The following STPG2 variants were observed in gnomAD, a reference collection of about 807,000 sequenced individuals.
STPG2 encodes sperm-tail PG-rich repeat-containing protein 2.
A neutral mutation model predicts 54.2 loss-of-function variants in STPG2; 56 were observed. That is an observed-to-expected ratio of 1.03 (90% CI 0.83 to 1.29). The LOEUF (loss-of-function observed/expected upper bound fraction) is 1.29. Ranked by LOEUF, STPG2 falls within the 50% of genes most tolerant of loss-of-function variation. The probability of loss-of-function intolerance (pLI) is 0.00; values close to 1 mark genes in which losing one functional copy is unlikely to be tolerated. For missense variants in STPG2, 596 were observed against 544.9 expected (o/e 1.09, Z -0.93); for synonymous variants, 200 against 181.8 (o/e 1.10, Z -0.81).
intron 10 of STPG2, among the ~76,000 whole-genome samples, chr4:97,693,152 A>G (rs1723432843): frequency 6.7e-6 from 1 of 150,046 alleles, no homozygotes; most frequent in Non-Finnish European, 1.5e-5. Context: ...AAAAAAAAAG[A>G]AAGGTATTCA....
intron 8 of STPG2, among the ~76,000 whole-genome samples, chr4:97,938,303 C>A (rs1268781989): frequency 6.6e-6 from 1 of 152,218 alleles, no homozygotes; most frequent in Non-Finnish European, 1.5e-5. Flanking sequence ...CCCCAAGAGT[C>A]CGGTGTCTTA....
At chr4:97,544,760 AG>A (rs1332187470) in intron 4 of STPG2, among the ~76,000 whole-genome samples, 1 of 152,104 alleles carries the variant, frequency 6.6e-6, no homozygotes, top group African/African-American at 2.4e-5. Flanking sequence ...TAAAACAGAA[AG>A]TTAAACATGC....
chr4:97,665,134 G>C (rs1195388923), intron 10 of STPG2, among the ~76,000 whole-genome samples: 1 of 152,186 alleles, frequency 6.6e-6, no homozygotes, highest in Admixed American at 6.5e-5. Flanking sequence ...CACAGTGCTG[G>C]CTTGGGAAGC....
In STPG2 at chr4:97,878,976, G is replaced by T. The variant is rs772964878; in HGVS notation, c.1045-38044C>A. 1.1e-4 allele frequency among the ~76,000 whole-genome samples: 17 copies of T among 152,188 alleles called. No individual in the cohort carries two copies. In the South Asian group the frequency reaches 3.5e-3, roughly 32 times the overall value. On this transcript the variant is annotated intron_variant, in intron 8 of 10. Coordinates refer to ENST00000295268, the MANE Select transcript of STPG2 (RefSeq NM_174952.3). ...TTAGAAATTTCTTCTGCCAGATACC[G>T]TAAATCATCTCCCTCAAGTTCAAAG... is the stretch of plus-strand genomic sequence containing the variant.
intron 9 of STPG2, among the ~76,000 whole-genome samples, chr4:97,715,098 C>A (rs1724247022): frequency 6.6e-6 from 1 of 152,112 alleles, no homozygotes; most frequent in Non-Finnish European, 1.5e-5. Context: ...TAGCACTTAG[C>A]CTGCTTTAAG....
At chr4:97,726,364 T>C (rs977089716) in intron 9 of STPG2, among the ~76,000 whole-genome samples, 1 of 151,916 alleles carries the variant, frequency 6.6e-6, no homozygotes, top group Non-Finnish European at 1.5e-5. Flanking sequence ...GGATAGATGG[T>C]GGTGATGAAG....
At position 97,918,475 on chromosome 4, in the gene STPG2, A is replaced by T. The variant is rs866199330; in HGVS notation, c.1044+25422T>A. On this transcript the variant is annotated intron_variant, in intron 8 of 10. Coordinates refer to ENST00000295268, the MANE Select transcript of STPG2 (RefSeq NM_174952.3). ...CATACACACACACAAACACACACAC[A>T]TTGGTCACATGCTGATCCATAGGTC... Among the ~76,000 whole-genome samples the T allele has an allele frequency of 1.2e-4, 19 of 152,126 alleles. No homozygotes were observed. The Middle Eastern group carries it at 0.014, about 109-fold the overall frequency.
intron 9 of STPG2, among the ~76,000 whole-genome samples, chr4:97,825,087 C>T (rs1728211071): frequency 1.3e-5 from 2 of 151,930 alleles, no homozygotes; most frequent in South Asian, 4.1e-4. Context: ...AGTGGATATT[C>T]AAGCTCTAAC....
chr4:97,790,540 G>A (rs1299803218), intron 9 of STPG2, among the ~76,000 whole-genome samples: 2 of 152,096 alleles, frequency 1.3e-5, no homozygotes, highest in Non-Finnish European at 2.9e-5. Context: ...GTTCCATGAA[G>A]ACATAGGAGC....
chr4:98,129,346 C>G (rs896997094), intron 2 of STPG2, among the ~76,000 whole-genome samples: 2 of 152,114 alleles, frequency 1.3e-5, no homozygotes, highest in African/African-American at 4.8e-5. Context: ...CAGCTCCTGA[C>G]TTTTTGTTTC....
intron 8 of STPG2, among the ~76,000 whole-genome samples, chr4:97,879,808 T>G (rs1730306246): frequency 6.6e-6 from 1 of 152,088 alleles, no homozygotes; most frequent in South Asian, 2.1e-4. Flanking sequence ...AGACAAATGA[T>G]ATCAAGGTGA....
At chr4:97,978,308 AC>A (rs1734559303) in intron 6 of STPG2, among the ~76,000 whole-genome samples, 1 of 152,238 alleles carries the variant, frequency 6.6e-6, no homozygotes, top group South Asian at 2.1e-4. Context: ...GAACATATAC[AC>A]CATGAAATAC....
chr4:97,948,945 T>C (rs1318141623), intron 7 of STPG2, among the ~76,000 whole-genome samples: 1 of 151,948 alleles, frequency 6.6e-6, no homozygotes, highest in Non-Finnish European at 1.5e-5. Flanking sequence ...TCTAGAGTGT[T>C]TAAGACCATT....
chr4:97,526,319 A>G (rs1405328390), intron 4 of STPG2, among the ~76,000 whole-genome samples: 2 of 152,080 alleles, frequency 1.3e-5, no homozygotes, highest in African/African-American at 4.8e-5. Context: ...CAACTATGAT[A>G]TATAAACACA....
intron 10 of STPG2, among the ~76,000 whole-genome samples, chr4:97,710,041 T>A (rs1401350919): frequency 6.6e-6 from 1 of 151,970 alleles, no homozygotes; most frequent in Non-Finnish European, 1.5e-5. Context: ...ATGAAGCTCA[T>A]AATGTAATAT....
At chr4:97,965,350 G>C (rs913627140) in intron 7 of STPG2, among the ~76,000 whole-genome samples, 1 of 152,146 alleles carries the variant, frequency 6.6e-6, no homozygotes, top group Non-Finnish European at 1.5e-5. Flanking sequence ...GCTCAAACTG[G>C]GCAGAGACCA....
intron 10 of STPG2, among the ~76,000 whole-genome samples, chr4:97,675,470 A>T (rs1380516599): frequency 6.6e-6 from 1 of 152,160 alleles, no homozygotes; most frequent in Non-Finnish European, 1.5e-5. Context: ...AAGAAAAGAA[A>T]AAAACTCTGT....
At chr4:97,670,198 T>C (rs1254042988) in intron 10 of STPG2, among the ~76,000 whole-genome samples, 2 of 152,156 alleles carry the variant, frequency 1.3e-5, no homozygotes. Context: ...CCTGTAATGG[T>C]ATATATGCTT....
chr4:97,771,418 G>T (rs2149062671), intron 9 of STPG2, among the ~76,000 whole-genome samples: 1 of 152,230 alleles, frequency 6.6e-6, no homozygotes, highest in South Asian at 2.1e-4. Context: ...GACCTTTGTG[G>T]AGAAAGTGAA....
Sources: allele counts gnomAD v4.1 joint callset (sites outside exome capture counted in the v4.1 genomes callset), GRCh38; gene constraint gnomAD v4.1.1; transcripts MANE v1.5; gene names NCBI Gene and HGNC (gene_info 2026-07-23, HGNC 2026-07-21).